The following RANBP2 variants were observed in gnomAD, a reference collection of about 807,000 sequenced individuals.
The protein encoded by RANBP2 is RAN binding protein 2.
RANBP2 carries 57 observed loss-of-function variants against 303.6 expected under a neutral mutation model. The ratio of observed to expected loss-of-function variants is 0.19; its 90% CI spans 0.15 to 0.23. The LOEUF is 0.23. Among genes scored for constraint, RANBP2 ranks in the 10% least tolerant of loss-of-function variants. RANBP2 has a pLI of 1.00. For synonymous variants in RANBP2, 1,167 were observed against 1,301.5 expected (o/e 0.90, Z 2.23); for missense variants, 3,138 against 3,780.8 (o/e 0.83, Z 4.46).
At chr2:108,992,424 G>A in the RANBP2 span, among the ~76,000 whole-genome samples, 2 of 152,186 alleles carry the variant, frequency 1.3e-5, no homozygotes, top group African/African-American at 4.8e-5. Context: ...GATTATTTGT[G>A]TTTGTATGTG....
chr2:109,387,185 G>A, the RANBP2 span, among the ~76,000 whole-genome samples: 11 of 152,144 alleles, frequency 7.2e-5, no homozygotes, highest in Admixed American at 3.3e-4. Flanking sequence ...TTGAGATTGC[G>A]CTGTATCAGT....
chr2:109,545,227 C>A, the RANBP2 span: 1 of 985,338 alleles, frequency 1.0e-6, no homozygotes, highest in African/African-American at 1.7e-5. Flanking sequence ...CTGAATAGAA[C>A]AAGGCATGAT....
At chr2:109,097,044 G>A in the RANBP2 span, among the ~76,000 whole-genome samples, 1 of 152,072 alleles carries the variant, frequency 6.6e-6, no homozygotes, top group African/African-American at 2.4e-5. Context: ...GGTGGCTCAC[G>A]CCTGTAATCC....
chr2:108,776,729 A>G (rs1303672771), intron 24 of RANBP2, among the ~76,000 whole-genome samples: 1 of 152,180 alleles, frequency 6.6e-6, no homozygotes, highest in Non-Finnish European at 1.5e-5. Context: ...TTTGGTTTTT[A>G]TGAGCTTATT....
the RANBP2 span, among the ~76,000 whole-genome samples, chr2:109,597,707 G>A: frequency 6.6e-6 from 1 of 152,146 alleles, no homozygotes; most frequent in Admixed American, 6.5e-5. Flanking sequence ...TTAACTCCTA[G>A]CAAGGTCTAC....
the RANBP2 span, among the ~76,000 whole-genome samples, chr2:108,996,653 G>A: frequency 6.6e-6 from 1 of 151,956 alleles, no homozygotes; most frequent in Non-Finnish European, 1.5e-5. Context: ...CTGTGCTGTT[G>A]TCCTGTGCCT....
chr2:109,253,941 T>A, the RANBP2 span, among the ~76,000 whole-genome samples: 2 of 152,064 alleles, frequency 1.3e-5, no homozygotes, highest in African/African-American at 4.8e-5. Context: ...CTTCCACAGC[T>A]CTTAAGGCTG....
At chr2:109,515,335 GC>G in the RANBP2 span, among the ~76,000 whole-genome samples, 1 of 152,186 alleles carries the variant, frequency 6.6e-6, no homozygotes, top group African/African-American at 2.4e-5. Flanking sequence ...AGAGAAGGGG[GC>G]CTGCAGGCTG....
the RANBP2 span, among the ~76,000 whole-genome samples, chr2:109,262,579 C>G: frequency 6.6e-6 from 1 of 152,164 alleles, no homozygotes; most frequent in African/African-American, 2.4e-5. Context: ...AATGTTGTTT[C>G]TTTTAAAGAA....
chr2:109,352,247 A>G, the RANBP2 span, among the ~76,000 whole-genome samples: 1 of 152,226 alleles, frequency 6.6e-6, no homozygotes, highest in Non-Finnish European at 1.5e-5. Context: ...CACTTCCGTC[A>G]GATGGTACAT....
At chr2:109,477,708 A>G in the RANBP2 span, among the ~76,000 whole-genome samples, 1 of 152,168 alleles carries the variant, frequency 6.6e-6, no homozygotes, top group East Asian at 1.9e-4. Flanking sequence ...TCTGAGATCC[A>G]GACACCACAG....
At chr2:109,543,536 G>T in the RANBP2 span, 1 of 152,130 alleles carries the variant, frequency 6.6e-6, no homozygotes, top group East Asian at 1.9e-4. Flanking sequence ...CTATTAAGAG[G>T]TTAGAGTTTT....
the RANBP2 span, among the ~76,000 whole-genome samples, chr2:109,099,203 C>T: frequency 2.4e-4 from 37 of 152,270 alleles, no homozygotes; most frequent in Non-Finnish European, 4.4e-4. Flanking sequence ...AGAACACATG[C>T]GTGTTACATA....
At chr2:109,613,376 G>C in the RANBP2 span, 1 of 332,686 alleles carries the variant, frequency 3.0e-6, no homozygotes, top group African/African-American at 2.1e-5. Context: ...AAAGCCAGGG[G>C]AGCCGGGCTT....
At chr2:108,990,599 A>G in the RANBP2 span, among the ~76,000 whole-genome samples, 1 of 152,020 alleles carries the variant, frequency 6.6e-6, no homozygotes, top group Non-Finnish European at 1.5e-5. Flanking sequence ...CTGTCTCAAA[A>G]CAGAAAAGAA....
At chr2:109,599,102 A>G in the RANBP2 span, among the ~76,000 whole-genome samples, 1 of 152,142 alleles carries the variant, frequency 6.6e-6, no homozygotes, top group South Asian at 2.1e-4. Context: ...ACATTCAGTT[A>G]TTCAAGCTAA....
the RANBP2 span, chr2:108,929,072 G>T: frequency 1.1e-5 from 12 of 1,128,956 alleles, no homozygotes; most frequent in African/African-American, 1.2e-4. Context: ...TGGGACCAAG[G>T]CCAGGTGTGC....
the RANBP2 span, among the ~76,000 whole-genome samples, chr2:109,385,536 C>T: frequency 6.6e-6 from 1 of 152,236 alleles, no homozygotes; most frequent in East Asian, 1.9e-4. Context: ...GAAACAATCA[C>T]TTAGAGAATG....
the RANBP2 span, among the ~76,000 whole-genome samples, chr2:109,110,564 A>G: frequency 1.3e-5 from 2 of 152,214 alleles, no homozygotes; most frequent in Non-Finnish European, 2.9e-5. Context: ...TGTCTCGGCA[A>G]GGTTTAAAAT....
Sources: allele counts gnomAD v4.1 joint callset (sites outside exome capture counted in the v4.1 genomes callset), GRCh38; gene constraint gnomAD v4.1.1; transcripts MANE v1.5; gene names NCBI Gene and HGNC (gene_info 2026-07-23, HGNC 2026-07-21).